The following CYP39A1 variants were observed in gnomAD, a reference collection of about 807,000 sequenced individuals.
CYP39A1 encodes 24-hydroxycholesterol 7-alpha-hydroxylase.
Under a neutral mutation model 58.1 loss-of-function variants are expected in CYP39A1, and 49 were observed. The ratio of observed to expected loss-of-function variants is 0.84; its 90% confidence interval spans 0.67 to 1.07. The LOEUF (loss-of-function observed/expected upper bound fraction) is 1.07. Among genes scored for constraint, CYP39A1 ranks in the 50% least tolerant of loss-of-function variants. The pLI is 0.00. For synonymous variants in CYP39A1, 209 were observed against 187.6 expected (o/e 1.11, Z -0.93); for missense variants, 531 against 539.4 (o/e 0.98, Z 0.16).
rs1005505424 is a variant in CYP39A1 at position 46,628,203 on chromosome 6, T to C, written c.841-2695A>G. Reference sequence around the variant, plus strand: ...ATGCCAGAGAGTCTTCTACCGATCATGGTAAACACAAATATGTTGGGAGAT... The same window carrying C: ...ATGCCAGAGAGTCTTCTACCGATCACGGTAAACACAAATATGTTGGGAGAT... On this transcript the variant is annotated intron_variant, in intron 6 of 11. Transcript: ENST00000275016. Among the ~76,000 whole-genome samples the C allele has an allele frequency of 6.6e-5, 10 of 152,358 alleles. No individual in the cohort carries two copies. In the East Asian group the frequency reaches 1.5e-3, roughly 23 times the overall value.
rs759026195 is a variant in CYP39A1 at position 46,550,649 on chromosome 6, A to G, written c.1339-212T>C. 1.6e-4 allele frequency among the ~76,000 whole-genome samples: 24 copies of G among 152,246 alleles called. 1 individual carries two copies. Among genetic ancestry groups the G allele is most frequent in the Non-Finnish European group, 4.4e-5 (3 of 68,046 alleles). ...AAAAAGAATACAATTCCTTATTCTA[A>G]TAACAATCTCTTTAGTTGTACACAC... On this transcript the variant is annotated intron_variant, in intron 11 of 11. Coordinates refer to ENST00000275016, the MANE Select transcript of CYP39A1 (RefSeq NM_016593.5).
At chr6:46,563,299 T>A (rs1455043376) in intron 10 of CYP39A1, among the ~76,000 whole-genome samples, 6 of 152,166 alleles carry the variant, frequency 3.9e-5, no homozygotes, top group Non-Finnish European at 8.8e-5. Context: ...TAAGCTATGT[T>A]CAGGTAAGTA....
chr6:46,581,645 T>C (rs1772138675), intron 10 of CYP39A1, among the ~76,000 whole-genome samples: 1 of 151,962 alleles, frequency 6.6e-6, no homozygotes, highest in South Asian at 2.1e-4. Flanking sequence ...GAGGGAATTG[T>C]TGTGGGTGGA....
At chr6:46,566,752 T>TTA (rs1323449081) in intron 10 of CYP39A1, among the ~76,000 whole-genome samples, 7 of 151,950 alleles carry the variant, frequency 4.6e-5, no homozygotes, top group Non-Finnish European at 1.0e-4. Context: ...CTTATTTTAT[T>TTA]TATAGCTCAT....
intron 1 of CYP39A1, among the ~76,000 whole-genome samples, chr6:46,648,883 T>C (rs1762498239): frequency 1.3e-5 from 2 of 152,184 alleles, no homozygotes; most frequent in South Asian, 4.1e-4. Context: ...AGATTGTCTA[T>C]ACTATTACAT....
At chr6:46,592,238 G>T (rs1305663674) in intron 8 of CYP39A1, among the ~76,000 whole-genome samples, 1 of 152,166 alleles carries the variant, frequency 6.6e-6, no homozygotes, top group Non-Finnish European at 1.5e-5. Flanking sequence ...CCTTAGGGAA[G>T]GGTGGTGGGA....
At chr6:46,592,753 C>T (rs543912295) in intron 8 of CYP39A1, among the ~76,000 whole-genome samples, 1 of 152,070 alleles carries the variant, frequency 6.6e-6, no homozygotes, top group South Asian at 2.1e-4. Context: ...GTCAGGAGTT[C>T]CAGACCAGTC....
At chr6:46,645,433 G>C (rs1435667746) in intron 1 of CYP39A1, among the ~76,000 whole-genome samples, 2 of 152,022 alleles carry the variant, frequency 1.3e-5, no homozygotes, top group African/African-American at 4.8e-5. Context: ...GTTTAAAAAG[G>C]CCATCTTTAT....
chr6:46,650,133 C>CACACACACAT (rs1554169382), intron 1 of CYP39A1, among the ~76,000 whole-genome samples: 7 of 152,042 alleles, frequency 4.6e-5, no homozygotes, highest in African/African-American at 9.6e-5. Flanking sequence ...CACACACACA[C>CACACACACAT]ACACACATAC....
rs201787440 is a variant in CYP39A1 at position 46,550,405 on chromosome 6, C to T, written c.1371G>A (p.Pro457=). 323 of 1,611,850 alleles carry T rather than the reference C, an allele frequency of 2.0e-4. 2 individuals carry two copies. The South Asian group carries it at 2.4e-3, about 12-fold the overall frequency. Residue 457 remains proline, a synonymous_variant, in exon 12 of 12, where the codon CCG becomes CCA. Transcript: ENST00000275016. ...TATATTCAATTCGGCATTGCCCTTC[C>T]GGCTGGGGGACACCCACCAAATGGA... is the stretch of plus-strand genomic sequence containing the variant. ...SYLHLVGVPQ[P]EGQCRIEYKQ... is the part of the protein sequence containing the mutation.
intron 10 of CYP39A1, among the ~76,000 whole-genome samples, chr6:46,578,640 A>C (rs2150500920): frequency 6.6e-6 from 1 of 152,138 alleles, no homozygotes; most frequent in South Asian, 2.1e-4. Context: ...AATTTAAAAA[A>C]CCCTCAGAGA....
At chr6:46,600,599 T>G (rs1773431308) in intron 7 of CYP39A1, among the ~76,000 whole-genome samples, 1 of 152,008 alleles carries the variant, frequency 6.6e-6, no homozygotes, top group Non-Finnish European at 1.5e-5. Context: ...GAGAATGAAT[T>G]AATCAATCAT....
intron 10 of CYP39A1, chr6:46,586,641 C>T: frequency 2.3e-6 from 2 of 887,988 alleles, no homozygotes; most frequent in Non-Finnish European, 2.7e-6. Context: ...GCCAAACTAA[C>T]ACCATAGACA....
chr6:46,647,703 A>G (rs1388052470), intron 1 of CYP39A1, among the ~76,000 whole-genome samples: 2 of 152,230 alleles, frequency 1.3e-5, no homozygotes, highest in African/African-American at 2.4e-5. Context: ...ACTTTGGGAC[A>G]CTGTGTTTTC....
At chr6:46,559,881 C>T (rs554443275) in intron 10 of CYP39A1, among the ~76,000 whole-genome samples, 4 of 152,136 alleles carry the variant, frequency 2.6e-5, no homozygotes, top group South Asian at 4.2e-4. Flanking sequence ...TTCATTCATT[C>T]GATGTTTATT....
chr6:46,630,115 A>AAACAAC (rs570988220), intron 6 of CYP39A1, among the ~76,000 whole-genome samples: 3 of 146,464 alleles, frequency 2.0e-5, no homozygotes, highest in African/African-American at 8.3e-5. Flanking sequence ...AAACAAAACA[A>AAACAAC]AACAACAACA....
rs1180775039 is a variant in CYP39A1, at chr6:46,639,511, G to A, written c.471C>T (p.Asp157=). The change falls in exon 3 of 12, where the codon GAC becomes GAT. Residue 157 remains aspartate (D), a synonymous_variant. Coordinates refer to ENST00000275016, the MANE Select transcript of CYP39A1 (RefSeq NM_016593.5). ...LENLGTHGTM[D]LNNLVRHLLY... ...CTATTTACCTTACTAAGTTGTTCAG[G>A]TCCATTGTCCCATGAGTGCCTAAAT... 2 of 1,613,924 alleles carry A rather than the reference G, an allele frequency of 1.2e-6. No individual in the cohort carries two copies. Among genetic ancestry groups the A allele is most frequent in the Non-Finnish European group, 1.7e-6 (2 of 1,179,950 alleles).
chr6:46,648,008 A>C (rs1463305640), intron 1 of CYP39A1, among the ~76,000 whole-genome samples: 1 of 152,196 alleles, frequency 6.6e-6, no homozygotes, highest in Non-Finnish European at 1.5e-5. Flanking sequence ...AAAGTCAGGA[A>C]ACAACAGGTG....
At chr6:46,600,763 CT>C (rs1393159440) in intron 7 of CYP39A1, among the ~76,000 whole-genome samples, 2 of 152,266 alleles carry the variant, frequency 1.3e-5, no homozygotes, top group Non-Finnish European at 2.9e-5. Context: ...GCCCTATGTG[CT>C]TCCTCATCTG....
Sources: gnomAD v4.1 joint callset for allele counts (sites outside exome capture counted in the v4.1 genomes callset) on GRCh38, gnomAD v4.1.1 for gene constraint, MANE v1.5 for transcripts, NCBI Gene and HGNC (gene_info 2026-07-23, HGNC 2026-07-21) for gene names.